SLC25A30: variants seen among roughly 807,000 people sequenced by gnomAD.
SLC25A30 encodes kidney mitochondrial carrier protein 1.
Under a neutral mutation model 42.7 loss-of-function variants are expected in SLC25A30, and 29 were observed. The observed-to-expected ratio is 0.68, with a 90% CI of 0.51 to 0.93. The LOEUF is 0.93. SLC25A30 is among the 40% of genes least tolerant of loss of function. The pLI, the probability that SLC25A30 is intolerant of heterozygous loss-of-function variation, is 0.00. For synonymous variants in SLC25A30, 124 were observed against 131.0 expected (o/e 0.95, Z 0.37); for missense variants, 300 against 359.7 (o/e 0.83, Z 1.34).
rs114976360 is a variant in SLC25A30, at chr13:45,393,475, T to C, written c.*2499A>G. ...ACTATTTCTAGCACATGAATAAATA[T>C]AAAGGACAGGAGCCACTTTTTATAT... On this transcript the variant is annotated 3_prime_UTR_variant, in exon 10 of 10. Coordinates refer to ENST00000519676, the MANE Select transcript of SLC25A30 (RefSeq NM_001010875.4). 3.3e-3 allele frequency: 3,207 copies of C among 984,882 alleles called. 60 individuals carry two copies. In the African/African-American group the frequency reaches 0.047, roughly 15 times the overall value. 61.0% of individuals were successfully genotyped at this position (984,882 alleles called of 1,614,324 possible).
chr13:45,432,522 C>A, the SLC25A30 span, among the ~76,000 whole-genome samples: 8 of 151,998 alleles, frequency 5.3e-5, no homozygotes, highest in Non-Finnish European at 2.9e-5. Flanking sequence ...GTAGGCAAAA[C>A]CAGTATCACT....
chr13:45,401,731 A>G (rs750950460), intron 6 of SLC25A30, among the ~76,000 whole-genome samples: 8 of 152,092 alleles, frequency 5.3e-5, no homozygotes, highest in Non-Finnish European at 8.8e-5. Flanking sequence ...TTCACACAAT[A>G]TCTTATACAT....
At chr13:45,411,659 C>T (rs1883038399) in intron 1 of SLC25A30, 179 bp from the exon 2 acceptor site, 1 of 525,392 alleles carries the variant, frequency 1.9e-6, no homozygotes, top group Admixed American at 3.2e-5. Flanking sequence ...CTCAAATCAA[C>T]AATTTCCAAT....
chr13:45,426,275 C>T, the SLC25A30 span, among the ~76,000 whole-genome samples: 50 of 151,704 alleles, frequency 3.3e-4, no homozygotes, highest in African/African-American at 1.1e-3. Context: ...TTAGTAGAGA[C>T]GGGGTTTCAC....
At chr13:45,406,705 C>T (rs562201115) in intron 3 of SLC25A30, among the ~76,000 whole-genome samples, 1 of 152,312 alleles carries the variant, frequency 6.6e-6, no homozygotes, top group East Asian at 1.9e-4. Context: ...CAACTGACAT[C>T]TTTGTTGCTA....
At chr13:45,397,846 G>T in intron 8 of SLC25A30, 1 of 975,792 alleles carries the variant, frequency 1.0e-6, no homozygotes, top group Non-Finnish European at 1.2e-6. Context: ...CCACACGAAG[G>T]ATTGAATGAA....
rs1010761264 is a variant in SLC25A30, at chr13:45,393,993, TA to T, written c.*1980del. On this transcript the variant is annotated 3_prime_UTR_variant, in exon 10 of 10. Transcript: ENST00000519676. Reference sequence around the variant, plus strand: ...TTGAAAAAGTAAAATTTTTCTACATTAAAAAAAGAGCATTTCAAGAAAAGCA... The same window carrying T: ...TTGAAAAAGTAAAATTTTTCTACATTAAAAAAGAGCATTTCAAGAAAAGCA... 13 of 984,760 alleles carry T rather than the reference TA, an allele frequency of 1.3e-5. No homozygotes were observed. In the African/African-American group the frequency reaches 1.9e-4, roughly 15 times the overall value. 61.0% of individuals were successfully genotyped at this position (984,760 alleles called of 1,614,324 possible).
intron 4 of SLC25A30, 107 bp downstream of exon 4, chr13:45,405,776 G>A (rs1330991215): frequency 5.2e-6 from 5 of 958,550 alleles, no homozygotes; most frequent in Non-Finnish European, 8.0e-6. Flanking sequence ...TCTTGTAGCA[G>A]TAGGAAAGTC....
intron 5 of SLC25A30, 33 bp downstream of exon 5, chr13:45,404,294 A>T: frequency 7.1e-7 from 1 of 1,412,988 alleles, no homozygotes; most frequent in Non-Finnish European, 1.0e-6. Context: ...AAAATGTGGA[A>T]TGTGCCTATA....
At chr13:45,400,901 G>A (rs527327094) in intron 7 of SLC25A30, among the ~76,000 whole-genome samples, 182 bp downstream of exon 7, 1 of 152,168 alleles carries the variant, frequency 6.6e-6, no homozygotes, top group Non-Finnish European at 1.5e-5. Flanking sequence ...CATACACGTA[G>A]AAAACGCCTG....
intron 5 of SLC25A30, among the ~76,000 whole-genome samples, chr13:45,404,026 G>T (rs944850007): frequency 6.6e-6 from 1 of 151,194 alleles, no homozygotes; most frequent in Non-Finnish European, 1.5e-5. Flanking sequence ...TATATTTAAT[G>T]AACCAATAAA....
At chr13:45,416,651 G>C (rs569922226) in intron 1 of SLC25A30, among the ~76,000 whole-genome samples, 6 of 152,148 alleles carry the variant, frequency 3.9e-5, no homozygotes, top group African/African-American at 1.2e-4. Context: ...CGCGACTCTA[G>C]TCCCAGCTAC....
the SLC25A30 span, among the ~76,000 whole-genome samples, chr13:45,426,611 G>A: frequency 6.6e-6 from 1 of 152,038 alleles, no homozygotes; most frequent in Admixed American, 6.6e-5. Flanking sequence ...GGTTCATTTG[G>A]TAAAAGGGGA....
chr13:45,394,872 A>G lies in SLC25A30; in HGVS notation c.*1102T>C. ...ACAGAAAGTCCAAGACAGGCACAAC[A>G]TAAACTAAAGTAAAAACTGGAAACC... On this transcript the variant is annotated 3_prime_UTR_variant, in exon 10 of 10. Transcript: ENST00000519676. 1.0e-6 allele frequency: 1 copy of G among 985,468 alleles called. No individual in the cohort carries two copies. The highest frequency in any genetic ancestry group is 1.2e-6 in the Non-Finnish European group (1 of 829,920). 61.0% of individuals were successfully genotyped at this position (985,468 alleles called of 1,614,324 possible).
chr13:45,423,711 A>T, the SLC25A30 span, among the ~76,000 whole-genome samples: 244 of 42,948 alleles, frequency 5.7e-3, 74 homozygotes, highest in African/African-American at 0.031. Flanking sequence ...TAAATATATA[A>T]ACATATATAA....
upstream of SLC25A30, among the ~76,000 whole-genome samples, chr13:45,420,556 T>A (rs1883866848): frequency 6.6e-6 from 1 of 152,152 alleles, no homozygotes; most frequent in African/African-American, 2.4e-5. Context: ...GATTCCTCCC[T>A]TTCCTGTAGA....
chr13:45,411,126 G>T (rs865774127), intron 2 of SLC25A30, among the ~76,000 whole-genome samples: 4 of 151,440 alleles, frequency 2.6e-5, no homozygotes, highest in African/African-American at 9.7e-5. Context: ...TTTTAATAGA[G>T]GTGAGGTTTC....
chr13:45,397,449 T>G (rs1476561158), intron 8 of SLC25A30, 111 bp from the exon 9 acceptor site: 1 of 713,950 alleles, frequency 1.4e-6, no homozygotes, highest in Admixed American at 2.5e-5. Flanking sequence ...TCCCAGCACT[T>G]TGGGAGGCCG....
intron 7 of SLC25A30, among the ~76,000 whole-genome samples, chr13:45,399,582 A>G (rs559695079): frequency 6.6e-6 from 1 of 152,216 alleles, no homozygotes; most frequent in South Asian, 2.1e-4. Context: ...AGCTTGATAA[A>G]CTGCTTACAT....
Sources: allele counts gnomAD v4.1 joint callset (sites outside exome capture counted in the v4.1 genomes callset), GRCh38; gene constraint gnomAD v4.1.1; transcripts MANE v1.5; gene names NCBI Gene and HGNC (gene_info 2026-07-23, HGNC 2026-07-21).